RAI14: variants seen among roughly 807,000 people sequenced by gnomAD.
RAI14 encodes the protein ankycorbin.
In RAI14, 45 loss-of-function variants were observed where a neutral mutation model predicts 115.4. That is an observed-to-expected ratio of 0.39 (90% CI 0.31 to 0.50). RAI14 has a LOEUF of 0.50. Ranked by LOEUF, RAI14 falls within the 20% of genes least tolerant of loss-of-function variation. RAI14 has a pLI of 0.85. For synonymous variants in RAI14, 371 were observed against 415.4 expected, an observed-to-expected ratio of 0.89 and a Z score of 1.30; for missense variants, 939 against 1,131.2, an observed-to-expected ratio of 0.83 and a Z score of 2.44.
chr5:34,812,163 C>T lies in RAI14; in HGVS notation c.737-17C>T. 6.4e-7 allele frequency: 1 copy of T among 1,567,346 alleles called. No individual in the cohort carries two copies. Among genetic ancestry groups the T allele is most frequent in the South Asian group, 1.1e-5 (1 of 87,506 alleles). On this transcript the variant is annotated splice_polypyrimidine_tract_variant and intron_variant, in intron 9 of 17. Transcript: ENST00000265109. ...TTATGCTTCTTATAGTTCTTTTTTT[C>T]ACTTTTTCCTCTATAGATTTAAAGA...
At chr5:34,710,441 C>T (rs1304505484) in intron 2 of RAI14, among the ~76,000 whole-genome samples, 1 of 152,106 alleles carries the variant, frequency 6.6e-6, no homozygotes, top group African/African-American at 2.4e-5. Context: ...ATGGCATAGG[C>T]TCTCTGTCAG....
chr5:34,701,522 C>T (rs867234967), intron 2 of RAI14, among the ~76,000 whole-genome samples: 33 of 152,192 alleles, frequency 2.2e-4, no homozygotes, highest in African/African-American at 7.5e-4. Context: ...TCCCTTTCTA[C>T]CAATCCCAAG....
At chr5:34,814,203 A>T (rs1435578455) in intron 11 of RAI14, among the ~76,000 whole-genome samples, 1 of 152,188 alleles carries the variant, frequency 6.6e-6, no homozygotes, top group Non-Finnish European at 1.5e-5. Flanking sequence ...AAACACATCG[A>T]AATTTGTTAT....
intron 4 of RAI14, among the ~76,000 whole-genome samples, chr5:34,803,481 T>C (rs7719160): frequency 0.7 from 106,762 of 151,810 alleles, 38,851 homozygotes; most frequent in Non-Finnish European, 0.8. Context: ...CACTTTAGCC[T>C]GGGAGGTTGA....
At chr5:34,661,088 A>G (rs1278889284) in intron 1 of RAI14, among the ~76,000 whole-genome samples, 4 of 152,206 alleles carry the variant, frequency 2.6e-5, no homozygotes, top group African/African-American at 9.6e-5. Context: ...GCTTGGGACC[A>G]GAAGTGTTTC....
At chr5:34,667,558 A>T (rs895843938) in intron 1 of RAI14, among the ~76,000 whole-genome samples, 8 of 151,056 alleles carry the variant, frequency 5.3e-5, no homozygotes, top group East Asian at 1.9e-4. Context: ...TATTATTATT[A>T]TTTTTTTTGC....
chr5:34,773,074 T>G (rs1330020521), intron 3 of RAI14, among the ~76,000 whole-genome samples: 1 of 152,202 alleles, frequency 6.6e-6, no homozygotes, highest in African/African-American at 2.4e-5. Context: ...TTCCTTTATT[T>G]GTGGAACATA....
chr5:34,675,838 T>A (rs1743943509), intron 1 of RAI14, among the ~76,000 whole-genome samples: 1 of 152,228 alleles, frequency 6.6e-6, no homozygotes, highest in African/African-American at 2.4e-5. Context: ...GTGTTTGAGC[T>A]TCATCCATGC....
At chr5:34,665,420 G>A (rs969048535) in intron 1 of RAI14, among the ~76,000 whole-genome samples, 1 of 150,500 alleles carries the variant, frequency 6.6e-6, no homozygotes, top group Non-Finnish European at 1.5e-5. Context: ...GTTAACTGAT[G>A]GAGAATAAAA....
At chr5:34,668,393 CAAAA>C (rs34952152) in intron 1 of RAI14, among the ~76,000 whole-genome samples, 2 of 121,272 alleles carry the variant, frequency 1.6e-5, no homozygotes, top group Non-Finnish European at 1.8e-5. Context: ...GACTCTGTCT[CAAAA>C]AAAAAAAAAA....
chr5:34,738,576 G>C (rs1178434266), intron 2 of RAI14, among the ~76,000 whole-genome samples: 1 of 152,142 alleles, frequency 6.6e-6, no homozygotes, highest in Non-Finnish European at 1.5e-5. Flanking sequence ...ACACCAAGTG[G>C]GAATCAGGTA....
chr5:34,733,506 C>T (rs190300829), intron 2 of RAI14, among the ~76,000 whole-genome samples: 11 of 152,302 alleles, frequency 7.2e-5, no homozygotes, highest in Admixed American at 6.5e-4. Flanking sequence ...CCTGTCCCAT[C>T]ACAATGTTCA....
intron 1 of RAI14, among the ~76,000 whole-genome samples, chr5:34,663,530 A>G (rs1742864506): frequency 6.6e-6 from 1 of 152,188 alleles, no homozygotes; most frequent in Non-Finnish European, 1.5e-5. Context: ...AAATAAATAA[A>G]TACAAATAAA....
chr5:34,694,958 G>A (rs569638566), intron 2 of RAI14, among the ~76,000 whole-genome samples: 36 of 152,122 alleles, frequency 2.4e-4, no homozygotes, highest in Non-Finnish European at 4.4e-4. Context: ...GAGTGCAATG[G>A]TGTGATCTCA....
intron 2 of RAI14, among the ~76,000 whole-genome samples, chr5:34,726,126 A>G (rs1228736018): frequency 6.6e-6 from 1 of 152,120 alleles, no homozygotes; most frequent in Admixed American, 6.6e-5. Flanking sequence ...GTATAATCCC[A>G]GTGCTTTGGG....
chr5:34,714,479 T>C (rs1173118025), intron 2 of RAI14, among the ~76,000 whole-genome samples: 1 of 152,242 alleles, frequency 6.6e-6, no homozygotes, highest in African/African-American at 2.4e-5. Flanking sequence ...GATTTTCTAT[T>C]TGATTTCTTC....
At chr5:34,692,058 T>A (rs1738668591) in intron 2 of RAI14, among the ~76,000 whole-genome samples, 1 of 152,054 alleles carries the variant, frequency 6.6e-6, no homozygotes, top group Non-Finnish European at 1.5e-5. Context: ...ATGTCAGGAG[T>A]TCGAGACCAG....
rs73763431 is a variant in RAI14, at chr5:34,678,940, C to T, written c.-48-7932C>T. Among the ~76,000 whole-genome samples the T allele has an allele frequency of 4.3e-3, 649 of 152,322 alleles. 1 individual carries two copies. Among genetic ancestry groups the T allele is most frequent in the Middle Eastern group, 0.024 (7 of 294 alleles). On this transcript the variant is annotated intron_variant, in intron 1 of 17. Coordinates refer to ENST00000265109, the MANE Select transcript of RAI14 (RefSeq NM_015577.3). The stretch of plus-strand genomic sequence containing the variant: ...CTATTGTGAGTTGCCTACTCATGCT[C>T]CATAGGAAACACATATTAATGCACA...
chr5:34,750,417 AG>A (rs1296297791), intron 2 of RAI14, among the ~76,000 whole-genome samples: 1 of 152,134 alleles, frequency 6.6e-6, no homozygotes, highest in Admixed American at 6.6e-5. Flanking sequence ...CAGATTCTCC[AG>A]GGGGTCCATG....
Sources: allele counts gnomAD v4.1 joint callset (sites outside exome capture counted in the v4.1 genomes callset), GRCh38; gene constraint gnomAD v4.1.1; transcripts MANE v1.5; gene names NCBI Gene and HGNC (gene_info 2026-07-23, HGNC 2026-07-21).